The following PRKCA variants were observed in gnomAD, a reference collection of about 807,000 sequenced individuals.
PRKCA encodes the protein protein kinase C alpha type.
PRKCA carries 27 observed loss-of-function variants against 87.0 expected under a neutral mutation model. That is an observed-to-expected ratio of 0.31 (90% CI 0.23 to 0.43). The LOEUF (loss-of-function observed/expected upper bound fraction) is 0.43, where lower values mean the gene tolerates loss of function less well. PRKCA is among the 20% of genes least tolerant of loss of function. The pLI, the probability that PRKCA is intolerant of heterozygous loss-of-function variation, is 1.00. For missense variants in PRKCA, 518 were observed against 852.3 expected, an observed-to-expected ratio of 0.61 and a Z score of 4.88; for synonymous variants, 329 against 311.1, an observed-to-expected ratio of 1.06 and a Z score of -0.61.
intron 3 of PRKCA, among the ~76,000 whole-genome samples, chr17:66,632,571 G>A (rs1013757816): frequency 6.6e-6 from 1 of 151,856 alleles, no homozygotes; most frequent in African/African-American, 2.4e-5. Flanking sequence ...GTAGAGATGA[G>A]GTCTCGTTAT....
chr17:66,666,595 C>G (rs949675194), intron 5 of PRKCA, among the ~76,000 whole-genome samples: 4 of 152,172 alleles, frequency 2.6e-5, no homozygotes, highest in African/African-American at 9.7e-5. Flanking sequence ...TCTTGCTTTC[C>G]TCATTTCCTA....
intron 3 of PRKCA, among the ~76,000 whole-genome samples, chr17:66,498,292 G>A (rs1916573190): frequency 6.6e-6 from 1 of 152,180 alleles, no homozygotes; most frequent in African/African-American, 2.4e-5. Flanking sequence ...CTTGTTTGGA[G>A]TTGTCTAAAA....
rs71160568 is a variant in PRKCA, at chr17:66,406,585, G to GTTTTTTTTTTTTTTTTTTTTTTT, written c.206-89614_206-89592dup. 4.8e-4 allele frequency among the ~76,000 whole-genome samples: 34 copies of GTTTTTTTTTTTTTTTTTTTTTTT among 70,178 alleles called. 6 individuals are homozygous for GTTTTTTTTTTTTTTTTTTTTTTT. The highest frequency in any genetic ancestry group is 6.5e-4 in the African/African-American group (14 of 21,694). The allele number at this position is 70,178 out of a possible 152,430, so 46.0% of individuals were successfully genotyped here. A position where few individuals can be genotyped will look rare whatever the true frequency, so the allele number is the denominator to read the frequency against. The stretch of plus-strand genomic sequence containing the variant: ...TCATGTAGCATTGTAGCTTTTCCAG[G>GTTTTTTTTTTTTTTTTTTTTTTT]TTTTTTTTTTTTTTTTTTTTTTTTA... On this transcript the variant is annotated intron_variant, in intron 2 of 16. Coordinates refer to ENST00000413366, the MANE Select transcript of PRKCA (RefSeq NM_002737.3).
intron 2 of PRKCA, among the ~76,000 whole-genome samples, chr17:66,417,231 A>G (rs962194092): frequency 6.6e-6 from 1 of 151,826 alleles, no homozygotes; most frequent in Non-Finnish European, 1.5e-5. Flanking sequence ...CAATAAAAAG[A>G]TTAATTGAAA....
intron 3 of PRKCA, among the ~76,000 whole-genome samples, chr17:66,614,116 G>A (rs1970452323): frequency 6.6e-6 from 1 of 152,036 alleles, no homozygotes; most frequent in African/African-American, 2.4e-5. Flanking sequence ...TAACTAAATT[G>A]CACCTGCAGA....
chr17:66,475,629 T>A (rs913281890), intron 2 of PRKCA, among the ~76,000 whole-genome samples: 1 of 152,196 alleles, frequency 6.6e-6, no homozygotes, highest in African/African-American at 2.4e-5. Context: ...CATAGCAGCC[T>A]GTTACCTCTC....
At chr17:66,781,612 T>C (rs1190974837) in intron 14 of PRKCA, among the ~76,000 whole-genome samples, 1 of 152,096 alleles carries the variant, frequency 6.6e-6, no homozygotes, top group Non-Finnish European at 1.5e-5. Context: ...ACGTGTATCG[T>C]ATCACCCCAC....
At chr17:66,435,568 G>A (rs1014774213) in intron 2 of PRKCA, among the ~76,000 whole-genome samples, 3 of 152,208 alleles carry the variant, frequency 2.0e-5, no homozygotes, top group Admixed American at 6.5e-5. Flanking sequence ...CCCTGGACTA[G>A]GCCTCTGGGA....
intron 5 of PRKCA, among the ~76,000 whole-genome samples, chr17:66,666,638 G>T (rs905179138): frequency 6.6e-6 from 1 of 152,066 alleles, no homozygotes; most frequent in Non-Finnish European, 1.5e-5. Flanking sequence ...CCTCATTATG[G>T]CTCCAAATTT....
At chr17:66,541,955 T>C (rs1453000455) in intron 3 of PRKCA, among the ~76,000 whole-genome samples, 1 of 152,200 alleles carries the variant, frequency 6.6e-6, no homozygotes, top group African/African-American at 2.4e-5. Context: ...ACATTTGTTC[T>C]ATGTAAGGCT....
At chr17:66,442,481 C>A (rs183603335) in intron 2 of PRKCA, among the ~76,000 whole-genome samples, 1 of 152,054 alleles carries the variant, frequency 6.6e-6, no homozygotes, top group Admixed American at 6.5e-5. Context: ...CCAGCTCCAC[C>A]CCACGCTTTC....
intron 8 of PRKCA, among the ~76,000 whole-genome samples, chr17:66,699,757 G>A (rs1169838598): frequency 6.6e-6 from 1 of 152,158 alleles, no homozygotes; most frequent in African/African-American, 2.4e-5. Flanking sequence ...CAGCTAATTT[G>A]TAGGGATGAG....
intron 3 of PRKCA, among the ~76,000 whole-genome samples, chr17:66,549,267 T>A (rs1213735968): frequency 4.0e-5 from 6 of 151,246 alleles, no homozygotes; most frequent in Non-Finnish European, 8.8e-5. Flanking sequence ...GTAAATTGGG[T>A]GTGGGTGGAG....
intron 3 of PRKCA, among the ~76,000 whole-genome samples, chr17:66,630,158 G>T (rs1363121771): frequency 6.6e-6 from 1 of 152,048 alleles, no homozygotes; most frequent in Non-Finnish European, 1.5e-5. Context: ...AATTGAATGG[G>T]CAAAGAAATA....
chr17:66,359,887 A>G (rs1908280658), intron 2 of PRKCA, among the ~76,000 whole-genome samples: 1 of 152,184 alleles, frequency 6.6e-6, no homozygotes, highest in African/African-American at 2.4e-5. Context: ...TGGATTAAGT[A>G]ATTATTTCTT....
intron 2 of PRKCA, among the ~76,000 whole-genome samples, chr17:66,476,917 T>A (rs1915558337): frequency 6.6e-6 from 1 of 152,196 alleles, no homozygotes; most frequent in Non-Finnish European, 1.5e-5. Flanking sequence ...AGGCTGAAGC[T>A]TCACGTACAT....
intron 3 of PRKCA, among the ~76,000 whole-genome samples, chr17:66,525,664 T>G (rs1276061210): frequency 6.6e-6 from 1 of 152,212 alleles, no homozygotes; most frequent in East Asian, 1.9e-4. Context: ...GACCAGAGTT[T>G]GGACAAGTGT....
At chr17:66,344,053 G>A (rs1180027663) in intron 2 of PRKCA, among the ~76,000 whole-genome samples, 3 of 152,100 alleles carry the variant, frequency 2.0e-5, no homozygotes, top group African/African-American at 4.8e-5. Flanking sequence ...TTCCAGGGGG[G>A]CCTTGGCTCA....
intron 3 of PRKCA, among the ~76,000 whole-genome samples, chr17:66,552,478 G>C (rs982932776): frequency 1.3e-5 from 2 of 152,284 alleles, no homozygotes; most frequent in South Asian, 4.1e-4. Context: ...TCTGAGGCTC[G>C]ACTGGGGAAG....
Sources: gnomAD v4.1 joint callset for allele counts (sites outside exome capture counted in the v4.1 genomes callset) on GRCh38, gnomAD v4.1.1 for gene constraint, MANE v1.5 for transcripts, NCBI Gene and HGNC (gene_info 2026-07-23, HGNC 2026-07-21) for gene names.